ZNF275: variants seen among roughly 807,000 people sequenced by gnomAD.
The protein encoded by ZNF275 is zinc finger protein 275.
Under a neutral mutation model 4.3 loss-of-function variants are expected in ZNF275, and 4 were observed. The ratio of observed to expected loss-of-function variants is 0.93; its 90% CI spans 0.46 to 2.13. The LOEUF (loss-of-function observed/expected upper bound fraction) is 2.13, where lower values mean the gene tolerates loss of function less well. ZNF275 is among the 30% of genes most tolerant of loss of function. The pLI is 0.02. For synonymous variants in ZNF275, 173 were observed against 166.9 expected, an observed-to-expected ratio of 1.04 and a Z score of -0.28; for missense variants, 352 against 397.1, an observed-to-expected ratio of 0.89 and a Z score of 0.97.
rs782614714 is a variant in ZNF275, at chrX:153,347,384, G to A, written c.699G>A (p.Ser233=). Residue 233 remains serine (S), a synonymous_variant, in exon 4 of 4, where the codon TCG becomes TCA. Transcript: ENST00000650114. ...HLFRHQKLHT[S]EKPFACKACS... is the part of the protein sequence containing the mutation. ...TCCGACATCAGAAACTTCACACTTC[G>A]GAAAAGCCTTTCGCCTGCAAGGCGT... 3.3e-5 allele frequency: 40 copies of A among 1,212,207 alleles called. No homozygotes were observed. The highest frequency in any genetic ancestry group is 2.3e-4 in the Middle Eastern group (1 of 4,355).
intron 2 of ZNF275, among the ~76,000 whole-genome samples, chrX:153,337,197 A>T (rs2088451762): frequency 1.8e-5 from 2 of 111,371 alleles, no homozygotes; most frequent in Non-Finnish European, 3.8e-5. Flanking sequence ...GAGGAGCCTT[A>T]TTTGGGTGGT....
chrX:153,336,778 T>C, intron 2 of ZNF275, 68 bp downstream of exon 2: 9 of 1,077,057 alleles, frequency 8.4e-6, no homozygotes, highest in Non-Finnish European at 1.1e-5. Flanking sequence ...GAAGACCCTA[T>C]AGGTGGGGTT....
At chrX:153,345,668 C>A in intron 3 of ZNF275, 47 bp downstream of exon 3, 1 of 1,058,881 alleles carries the variant, frequency 9.4e-7, no homozygotes, top group Non-Finnish European at 1.3e-6. Context: ...CCCAACCAAG[C>A]TGCTATGGGG....
At position 153,350,859 on chromosome X, in the gene ZNF275, G is replaced by C. The variant is rs1177825989; in HGVS notation, c.*2884G>C. The C allele has an allele frequency of 8.1e-6, 1 of 123,729 alleles. No homozygotes were observed. The highest frequency in any genetic ancestry group is 3.2e-5 in the African/African-American group (1 of 30,913). 10.2% of individuals were successfully genotyped at this position (123,729 alleles called of 1,213,427 possible). A position where few individuals can be genotyped will look rare whatever the true frequency, so the allele number is the denominator to read the frequency against. ...TTGTTAGGATGTGTTTTGTACAGCTGTCATTTGATAAAGAAGGTTGACCTC... is the reference window on the plus strand; with the variant it reads ...TTGTTAGGATGTGTTTTGTACAGCTCTCATTTGATAAAGAAGGTTGACCTC... On this transcript the variant is annotated 3_prime_UTR_variant, in exon 4 of 4. Transcript: ENST00000650114.
chrX:153,334,620 T>C (rs2088431721), intron 1 of ZNF275, among the ~76,000 whole-genome samples: 1 of 110,317 alleles, frequency 9.1e-6, no homozygotes, highest in Non-Finnish European at 1.9e-5. Context: ...TGGGAATCGC[T>C]AAAGTGTAGA....
chrX:153,340,915 T>C (rs1168052375), intron 2 of ZNF275, among the ~76,000 whole-genome samples: 1 of 112,258 alleles, frequency 8.9e-6, no homozygotes, highest in African/African-American at 3.2e-5. Context: ...CTGTTGGTTT[T>C]ATATTGAAAC....
rs1218499901 is a variant in ZNF275 at position 153,349,176 on chromosome X, CAG to C, written c.*1202_*1203del. 18 of 123,990 alleles carry C rather than the reference CAG, an allele frequency of 1.5e-4. No individual in the cohort carries two copies. The highest frequency in any genetic ancestry group is 5.6e-4 in the East Asian group (2 of 3,585). The allele number at this position is 123,990 out of a possible 1,213,427, so 10.2% of individuals were successfully genotyped here. ...GCCTTCCGTTTCTTGTTCTATAAAA[CAG>C]GGGTGATCACAGCACCTACCTCCGA... is the stretch of plus-strand genomic sequence containing the variant. On this transcript the variant is annotated 3_prime_UTR_variant, in exon 4 of 4. Transcript: ENST00000650114.
At chrX:153,340,075 C>T (rs1195038554) in intron 2 of ZNF275, among the ~76,000 whole-genome samples, 2 of 112,239 alleles carry the variant, frequency 1.8e-5, no homozygotes, top group Non-Finnish European at 3.8e-5. Flanking sequence ...GTACTGGAAG[C>T]CAAAGTCAAA....
chrX:153,345,580 T>C lies in ZNF275; in HGVS notation c.92T>C (p.Val31Ala). ...CTGGCACAAGGACAAGTGCTACTGG[T>C]GTCAGACCCATCGCCCAACACTGAT... ...PHLAQGQVLLVSDPSPNTDPA... is the reference protein window; with the variant it reads ...PHLAQGQVLLASDPSPNTDPA... Residue 31 changes from valine (V) to alanine (A), a missense_variant, in exon 3 of 4, where the codon GTG (valine) becomes GCG (alanine). Physicochemically the swap from Val to Ala is moderately conservative, Grantham distance 64. Transcript: ENST00000650114. 8.3e-7 allele frequency: 1 copy of C among 1,210,862 alleles called. No homozygotes were observed. The highest frequency in any genetic ancestry group is 1.1e-6 in the Non-Finnish European group (1 of 894,672).
intron 3 of ZNF275, 68 bp from the exon 4 acceptor site, chrX:153,346,744 AGATTCTT>A: frequency 9.5e-7 from 1 of 1,051,430 alleles, no homozygotes; most frequent in Non-Finnish European, 1.3e-6. Context: ...AGAAAGAAAA[AGATTCTT>A]GACAAAGGAG....
rs782526453 is a variant in ZNF275 at position 153,350,831 on chromosome X, G to A, written c.*2856G>A. 1 of 123,695 alleles carries A rather than the reference G, an allele frequency of 8.1e-6. No individual in the cohort carries two copies. The highest frequency in any genetic ancestry group is 2.8e-4 in the East Asian group (1 of 3,570). The allele number at this position is 123,695 out of a possible 1,213,427, so 10.2% of individuals were successfully genotyped here. On this transcript the variant is annotated 3_prime_UTR_variant, in exon 4 of 4. Transcript: ENST00000650114. The stretch of plus-strand genomic sequence containing the variant: ...CTTCTCGGATCCTTTTTCTCTTTTC[G>A]AGTTGTTAGGATGTGTTTTGTACAG...
chrX:153,346,318 G>T (rs1556961542), intron 3 of ZNF275, among the ~76,000 whole-genome samples: 1 of 108,569 alleles, frequency 9.2e-6, no homozygotes. Flanking sequence ...TGAGGTTAGG[G>T]TTGAGAGGAT....
chrX:153,341,775 C>G (rs1184320639), intron 2 of ZNF275, among the ~76,000 whole-genome samples: 1 of 112,420 alleles, frequency 8.9e-6, no homozygotes, highest in African/African-American at 3.2e-5. Context: ...CACTGGTTTT[C>G]TGACTTGCAC....
chrX:153,340,185 T>C (rs1179985612), intron 2 of ZNF275, among the ~76,000 whole-genome samples: 8 of 112,057 alleles, frequency 7.1e-5, no homozygotes, highest in African/African-American at 2.3e-4. Context: ...CACCCGAGGA[T>C]GAACACGATC....
intron 2 of ZNF275, chrX:153,343,517 T>C (rs1000527425): frequency 3.1e-6 from 1 of 317,916 alleles, no homozygotes; most frequent in African/African-American, 2.7e-5. Flanking sequence ...GATCTTTTCT[T>C]TGAGGCTTAT....
intron 2 of ZNF275, chrX:153,343,273 T>C (rs781840015): frequency 1.8e-4 from 35 of 196,295 alleles, no homozygotes; most frequent in Non-Finnish European, 3.4e-4. Context: ...TAGCTGGATT[T>C]TGTGGGCCTT....
chrX:153,349,108 A>G lies in ZNF275; in HGVS notation c.*1133A>G, dbSNP rs977176815. The G allele has an allele frequency of 3.2e-5, 4 of 123,740 alleles. No homozygotes were observed. Among genetic ancestry groups the G allele is most frequent in the African/African-American group, 9.7e-5 (3 of 30,869 alleles). The allele number at this position is 123,740 out of a possible 1,213,427, so 10.2% of individuals were successfully genotyped here. A position where few individuals can be genotyped will look rare whatever the true frequency, so the allele number is the denominator to read the frequency against. ...AGTGCAGGGTGACGCCTCCTTTTGGAAATGAGCCTCTCCTGGTATCAGGCC... is the reference window on the plus strand; with the variant it reads ...AGTGCAGGGTGACGCCTCCTTTTGGGAATGAGCCTCTCCTGGTATCAGGCC... On this transcript the variant is annotated 3_prime_UTR_variant, in exon 4 of 4. Transcript: ENST00000650114.
intron 2 of ZNF275, among the ~76,000 whole-genome samples, chrX:153,341,938 T>G (rs1556961084): frequency 8.9e-6 from 1 of 111,822 alleles, no homozygotes; most frequent in African/African-American, 3.3e-5. Context: ...AGGGGTTGAT[T>G]GACTTTCTTG....
rs1292860521 is a variant in ZNF275 at position 153,348,340 on chromosome X, C to G, written c.*365C>G. On this transcript the variant is annotated 3_prime_UTR_variant, in exon 4 of 4. Transcript: ENST00000650114. Reference sequence around the variant, plus strand: ...CAGAGCTGTTCCACGATGGCGTCCTCATAATGTGATCCCAGCTTTCCTGAA... The same window carrying G: ...CAGAGCTGTTCCACGATGGCGTCCTGATAATGTGATCCCAGCTTTCCTGAA... 1 of 123,518 alleles carries G rather than the reference C, an allele frequency of 8.1e-6. No individual in the cohort carries two copies. Among genetic ancestry groups the G allele is most frequent in the Non-Finnish European group, 1.9e-5 (1 of 53,900 alleles). 10.2% of individuals were successfully genotyped at this position (123,518 alleles called of 1,213,427 possible). A position where few individuals can be genotyped will look rare whatever the true frequency, so the allele number is the denominator to read the frequency against.
Sources: gnomAD v4.1 joint callset for allele counts (sites outside exome capture counted in the v4.1 genomes callset) on GRCh38, gnomAD v4.1.1 for gene constraint, MANE v1.5 for transcripts, NCBI Gene and HGNC (gene_info 2026-07-23, HGNC 2026-07-21) for gene names.